The following UBTD2 variants were observed in gnomAD, a reference collection of about 807,000 sequenced individuals.
UBTD2 encodes the protein ubiquitin domain-containing protein 2.
Under a neutral mutation model 19.8 loss-of-function variants are expected in UBTD2, and 9 were observed. The ratio of observed to expected loss-of-function variants is 0.46; its 90% CI spans 0.27 to 0.79. The LOEUF (loss-of-function observed/expected upper bound fraction) is 0.79. UBTD2 is among the 30% of genes least tolerant of loss of function. UBTD2 has a pLI of 0.14. For synonymous variants in UBTD2, 98 were observed against 103.9 expected, an observed-to-expected ratio of 0.94 and a Z score of 0.35; for missense variants, 250 against 300.4, an observed-to-expected ratio of 0.83 and a Z score of 1.24.
intron 2 of UBTD2, among the ~76,000 whole-genome samples, chr5:172,223,236 A>G (rs187365542): frequency 5.3e-5 from 8 of 152,286 alleles, no homozygotes; most frequent in African/African-American, 1.9e-4. Context: ...CAAGTAACTA[A>G]AGCAGATTGG....
rs1417782621 is a variant in UBTD2, at chr5:172,254,695, G to A, written c.71-20337C>T. ...GTAAAGGTCTCTTCCCAGGCTGCAA[G>A]ATGACCAAAGGGTGATTCTCTTGCA... On this transcript the variant is annotated intron_variant, in intron 1 of 2. Transcript: ENST00000393792. The A allele has an allele frequency of 6.4e-6, 3 of 471,742 alleles. No individual in the cohort carries two copies. The African/African-American group carries it at 6.8e-5, about 11-fold the overall frequency. The allele number at this position is 471,742 out of a possible 1,614,324, so 29.2% of individuals were successfully genotyped here.
At chr5:172,227,207 C>G (rs1406076683) in intron 2 of UBTD2, among the ~76,000 whole-genome samples, 1 of 152,158 alleles carries the variant, frequency 6.6e-6, no homozygotes, top group Non-Finnish European at 1.5e-5. Context: ...CAGAGACAAG[C>G]CTTCTGACTC....
intron 1 of UBTD2, among the ~76,000 whole-genome samples, chr5:172,240,139 A>T (rs80256989): frequency 0.014 from 2,136 of 152,350 alleles, 39 homozygotes; most frequent in African/African-American, 0.048. Context: ...ACAAAGGAGA[A>T]GCAGCAGCTC....
chr5:172,271,481 G>T (rs1169178073), intron 1 of UBTD2, among the ~76,000 whole-genome samples: 1 of 150,428 alleles, frequency 6.6e-6, no homozygotes, highest in East Asian at 1.9e-4. Context: ...TTTCAGTGAT[G>T]CTTTCTGACC....
At chr5:172,278,763 G>T (rs1035823299) in intron 1 of UBTD2, among the ~76,000 whole-genome samples, 14 of 151,938 alleles carry the variant, frequency 9.2e-5, no homozygotes, top group Non-Finnish European at 1.9e-4. Flanking sequence ...TATATGTTTT[G>T]CCACAATTTT....
chr5:172,211,982 C>T lies in UBTD2; in HGVS notation c.553G>A (p.Glu185Lys). 6.2e-7 allele frequency: 1 copy of T among 1,614,258 alleles called. No individual in the cohort carries two copies. Among genetic ancestry groups the T allele is most frequent in the Non-Finnish European group, 8.5e-7 (1 of 1,180,044 alleles). The change falls in exon 3 of 3, where the codon GAG (glutamate) becomes AAG (lysine). Residue 185 changes from glutamate (E) to lysine (K), a missense_variant. Physicochemically the swap from Glu to Lys is moderately conservative, Grantham distance 56. Transcript: ENST00000393792. ...CGCTGACTACCTGGTTCCACTCCCT[C>T]TGCTGCATGCAACCGTCTCTTCATG... is the stretch of plus-strand genomic sequence containing the variant. ...FHMKRRLHAA[E>K]GVEPGSQRWF...
intron 1 of UBTD2, among the ~76,000 whole-genome samples, chr5:172,268,979 G>C (rs1411307553): frequency 1.3e-5 from 2 of 152,054 alleles, no homozygotes; most frequent in Admixed American, 6.6e-5. Context: ...GGTTACGTAG[G>C]AGAACAGCTT....
intron 1 of UBTD2, among the ~76,000 whole-genome samples, chr5:172,279,866 C>T (rs1384019581): frequency 6.6e-6 from 1 of 152,132 alleles, no homozygotes; most frequent in Non-Finnish European, 1.5e-5. Context: ...TCAAAACAGG[C>T]TGGGCGAGGT....
intron 2 of UBTD2, among the ~76,000 whole-genome samples, chr5:172,224,298 CTTTTTTTTTTT>C (rs35105814): frequency 3.3e-5 from 4 of 121,652 alleles, no homozygotes; most frequent in South Asian, 2.7e-4. Context: ...TTTTTCATTT[CTTTTTTTTTTT>C]TTTTTTTTGA....
chr5:172,244,658 C>A (rs1259407037), intron 1 of UBTD2, among the ~76,000 whole-genome samples: 1 of 152,026 alleles, frequency 6.6e-6, no homozygotes, highest in Non-Finnish European at 1.5e-5. Flanking sequence ...ATGTTATAAG[C>A]CCACTAGAGC....
intron 2 of UBTD2, among the ~76,000 whole-genome samples, chr5:172,229,238 C>T (rs183778269): frequency 1.8e-3 from 269 of 151,924 alleles, no homozygotes; most frequent in African/African-American, 5.8e-3. Flanking sequence ...CGGTGGCTCA[C>T]GCCTGTAATC....
At chr5:172,227,525 C>CAATT (rs35623376) in intron 2 of UBTD2, among the ~76,000 whole-genome samples, 49,972 of 150,962 alleles carry the variant, frequency 0.33, 8,307 homozygotes, top group South Asian at 0.42. Flanking sequence ...ATTAACTTAT[C>CAATT]AACTTTGTTA....
At chr5:172,267,024 C>G (rs1231937809) in intron 1 of UBTD2, among the ~76,000 whole-genome samples, 2 of 130,224 alleles carry the variant, frequency 1.5e-5, no homozygotes, top group South Asian at 2.4e-4. Flanking sequence ...CACTAGGTAA[C>G]AGAGAGCCTC....
intron 1 of UBTD2, among the ~76,000 whole-genome samples, chr5:172,248,739 G>A (rs1472514423): frequency 1.3e-5 from 2 of 151,566 alleles, no homozygotes; most frequent in Non-Finnish European, 2.9e-5. Flanking sequence ...TCCAGCCTAG[G>A]TGACAGAGCA....
chr5:172,227,963 G>A (rs1284150198), intron 2 of UBTD2, among the ~76,000 whole-genome samples: 1 of 152,108 alleles, frequency 6.6e-6, no homozygotes, highest in Non-Finnish European at 1.5e-5. Flanking sequence ...ACAGGCATGA[G>A]CCACTGTGCC....
chr5:172,253,840 T>A (rs73802422), intron 1 of UBTD2, among the ~76,000 whole-genome samples: 8,678 of 152,250 alleles, frequency 0.057, 789 homozygotes, highest in African/African-American at 0.19. Context: ...TGACAATTGA[T>A]TATGTTAGTT....
chr5:172,250,656 C>G (rs887531870), intron 1 of UBTD2, among the ~76,000 whole-genome samples: 1 of 152,048 alleles, frequency 6.6e-6, no homozygotes, highest in Non-Finnish European at 1.5e-5. Context: ...AAGGCCTATA[C>G]AGTAGATATT....
chr5:172,223,625 TAG>T (rs1438708140), intron 2 of UBTD2, among the ~76,000 whole-genome samples: 1 of 137,448 alleles, frequency 7.3e-6, no homozygotes, highest in Non-Finnish European at 1.5e-5. Flanking sequence ...AAAGCACACT[TAG>T]GAGTGTTTAC....
chr5:172,249,156 G>C (rs1488462208), intron 1 of UBTD2, among the ~76,000 whole-genome samples: 1 of 151,994 alleles, frequency 6.6e-6, no homozygotes, highest in Non-Finnish European at 1.5e-5. Flanking sequence ...CCAGCACTTT[G>C]GAAGGCCGAG....
Sources: allele counts gnomAD v4.1 joint callset (sites outside exome capture counted in the v4.1 genomes callset), GRCh38; gene constraint gnomAD v4.1.1; transcripts MANE v1.5; gene names NCBI Gene and HGNC (gene_info 2026-07-23, HGNC 2026-07-21).